ARHGEF7: variants seen among roughly 807,000 people sequenced by gnomAD.
The protein encoded by ARHGEF7 is PAK-interacting exchange factor beta.
A neutral mutation model predicts 109.8 loss-of-function variants in ARHGEF7; 33 were observed. That is an observed-to-expected ratio of 0.30 (90% CI 0.23 to 0.40). ARHGEF7 has a LOEUF of 0.40. Ranked by LOEUF, ARHGEF7 falls within the 10% of genes least tolerant of loss-of-function variation. ARHGEF7 has a pLI of 1.00. For missense variants in ARHGEF7, 938 were observed against 1,098.5 expected, an observed-to-expected ratio of 0.85 and a Z score of 2.07; for synonymous variants, 458 against 424.6, an observed-to-expected ratio of 1.08 and a Z score of -0.97.
chr13:111,166,439 G>T (rs1009412276), intron 2 of ARHGEF7, among the ~76,000 whole-genome samples: 8 of 152,186 alleles, frequency 5.3e-5, no homozygotes, highest in African/African-American at 1.4e-4. Flanking sequence ...TGTGTTTTGA[G>T]TATAGACTGA....
rs917891372 is a variant in ARHGEF7, at chr13:111,273,617, G to A, written c.1074-197G>A. Among the ~76,000 whole-genome samples the A allele has an allele frequency of 1.3e-5, 2 of 152,310 alleles. No homozygotes were observed. Among genetic ancestry groups the A allele is most frequent in the Non-Finnish European group, 1.5e-5 (1 of 68,026 alleles). On this transcript the variant is annotated intron_variant, in intron 9 of 21. Transcript: ENST00000646102. The surrounding 1 kb of genome is among the most constrained non-coding windows in gnomAD (Gnocchi z 4.5). Reference sequence around the variant, plus strand: ...TTGTTGCTCATATGAGAGCAGGAACGGGACCCCTTAGGGATGGGAGTCCCC... The same window carrying A: ...TTGTTGCTCATATGAGAGCAGGAACAGGACCCCTTAGGGATGGGAGTCCCC...
intron 11 of ARHGEF7, among the ~76,000 whole-genome samples, chr13:111,275,266 A>C (rs892583126): frequency 1.3e-5 from 2 of 152,214 alleles, no homozygotes; most frequent in African/African-American, 4.8e-5. Flanking sequence ...TCTTTTTTGT[A>C]CAAGTGGCAA....
intron 2 of ARHGEF7, among the ~76,000 whole-genome samples, chr13:111,183,048 C>T (rs1203119559): frequency 6.6e-6 from 1 of 152,210 alleles, no homozygotes; most frequent in Admixed American, 6.5e-5. Context: ...TTTTCAACTT[C>T]ACGATGTTTT....
chr13:111,243,908 T>A lies in ARHGEF7; in HGVS notation c.796T>A (p.Ser266Thr), dbSNP rs751747788. Residue 266 changes from serine (S) to threonine (T), a missense_variant, in exon 7 of 22, where the codon TCT becomes ACT. Ser to Thr is a moderately conservative substitution (Grantham distance 58, BLOSUM62 1). Around this residue, in one of 4 missense-constraint regions of ARHGEF7, gnomAD observed 585 missense variants for 723.6 expected, o/e 0.81. Transcript: ENST00000646102. Reference protein sequence around the residue: ...QNILETENEYSKELQTVLSTY... With the variant: ...QNILETENEYTKELQTVLSTY... ...TATTTTAGAAACAGAAAATGAATAT[T>A]CTAAAGAACTTCAGACTGTGCTTTC... 1 of 1,612,740 alleles carries A rather than the reference T, an allele frequency of 6.2e-7. No homozygotes were observed. Among genetic ancestry groups the A allele is most frequent in the East Asian group, 2.2e-5 (1 of 44,840 alleles).
At chr13:111,176,300 G>A (rs2078155147) in intron 2 of ARHGEF7, among the ~76,000 whole-genome samples, 1 of 152,252 alleles carries the variant, frequency 6.6e-6, no homozygotes. Flanking sequence ...GAGAATGACT[G>A]TAGGTGAGCA....
intron 2 of ARHGEF7, among the ~76,000 whole-genome samples, chr13:111,178,414 T>C (rs1191614600): frequency 1.3e-5 from 2 of 152,222 alleles, no homozygotes; most frequent in Non-Finnish European, 2.9e-5. Flanking sequence ...GTTTACCTTG[T>C]ATGTTTTCTG....
intron 1 of ARHGEF7, among the ~76,000 whole-genome samples, chr13:111,116,195 C>T (rs527457640): frequency 1.6e-4 from 24 of 152,324 alleles, no homozygotes; most frequent in African/African-American, 5.8e-4. Context: ...CTGAGGGCTG[C>T]GCTGTGAAAC....
chr13:111,187,334 T>C (rs1453553346), intron 2 of ARHGEF7, among the ~76,000 whole-genome samples: 1 of 152,048 alleles, frequency 6.6e-6, no homozygotes, highest in East Asian at 1.9e-4. Flanking sequence ...GACCTGGTGG[T>C]GTGGGCCTGG....
At chr13:111,179,959 G>T (rs748206014) in intron 2 of ARHGEF7, among the ~76,000 whole-genome samples, 11 of 152,290 alleles carry the variant, frequency 7.2e-5, no homozygotes, top group East Asian at 3.9e-4. Context: ...ACCAGATCTC[G>T]GTTATAAGGG....
At chr13:111,197,793 T>C (rs1594600958) in intron 2 of ARHGEF7, among the ~76,000 whole-genome samples, 1 of 151,814 alleles carries the variant, frequency 6.6e-6, no homozygotes, top group African/African-American at 2.4e-5. Flanking sequence ...CGGGCCCGGG[T>C]GCCTAAAGAA....
chr13:111,222,014 T>C (rs1419851032), intron 5 of ARHGEF7, among the ~76,000 whole-genome samples: 1 of 152,118 alleles, frequency 6.6e-6, no homozygotes, highest in Non-Finnish European at 1.5e-5. Context: ...TTTCACGTTT[T>C]TCTGCCTGCT....
At chr13:111,153,172 G>A (rs2075986681) in intron 1 of ARHGEF7, among the ~76,000 whole-genome samples, 1 of 152,244 alleles carries the variant, frequency 6.6e-6, no homozygotes, top group African/African-American at 2.4e-5. Context: ...CGCTCTCCAT[G>A]AGCCTAGGCT....
At chr13:111,214,307 C>A (rs370388592) in intron 4 of ARHGEF7, among the ~76,000 whole-genome samples, 3 of 152,234 alleles carry the variant, frequency 2.0e-5, no homozygotes, top group Non-Finnish European at 2.9e-5. Flanking sequence ...TGGCCTCAGC[C>A]CTGGTGCTGG....
At position 111,273,096 on chromosome 13, in the gene ARHGEF7, A is replaced by G. The variant is rs1284308164; in HGVS notation, c.1074-718A>G. On this transcript the variant is annotated intron_variant, in intron 9 of 21. Coordinates refer to ENST00000646102, the MANE Select transcript of ARHGEF7 (RefSeq NM_001354046.2). This position sits in a 1 kb window ranked among gnomAD's most constrained non-coding sequence, Gnocchi z 4.5. Reference sequence around the variant, plus strand: ...ATATGCACTGTTTCTATGTCCATACACAGGGACACCTTCCTTCCTTACGTG... The same window carrying G: ...ATATGCACTGTTTCTATGTCCATACGCAGGGACACCTTCCTTCCTTACGTG... Among the ~76,000 whole-genome samples the G allele has an allele frequency of 1.3e-5, 2 of 152,240 alleles. No homozygotes were observed. The highest frequency in any genetic ancestry group is 4.8e-5 in the African/African-American group (2 of 41,456).
intron 1 of ARHGEF7, among the ~76,000 whole-genome samples, chr13:111,123,958 T>A (rs952960402): frequency 6.6e-6 from 1 of 151,934 alleles, no homozygotes; most frequent in Non-Finnish European, 1.5e-5. Flanking sequence ...ATGTTTCTTC[T>A]CCTTCTGAAA....
Position 111,189,147 on chromosome 13 carries a change from G to A in ARHGEF7, c.253-16142G>A, listed in dbSNP as rs967531072. 2.6e-5 allele frequency among the ~76,000 whole-genome samples: 4 copies of A among 152,316 alleles called. No homozygotes were observed. The East Asian group carries it at 7.7e-4, about 29-fold the overall frequency. Reference sequence around the variant, plus strand: ...GCTGGAACACCTGAAGGCTTCCAAGGCTTCTGCTTAGAACCAGGGTGCTTT... The same window carrying A: ...GCTGGAACACCTGAAGGCTTCCAAGACTTCTGCTTAGAACCAGGGTGCTTT... On this transcript the variant is annotated intron_variant, in intron 2 of 21. Coordinates refer to ENST00000646102, the MANE Select transcript of ARHGEF7 (RefSeq NM_001354046.2).
intron 8 of ARHGEF7, among the ~76,000 whole-genome samples, chr13:111,263,819 T>A (rs1425325822): frequency 6.7e-6 from 1 of 149,132 alleles, no homozygotes; most frequent in African/African-American, 2.4e-5. Flanking sequence ...TTCTTCCTCC[T>A]CTGTAGGCTG....
chr13:111,273,846 G>A lies in ARHGEF7; in HGVS notation c.1106G>A (p.Gly369Asp). The change falls in exon 10 of 22, where the codon GGT becomes GAT. Residue 369 changes from glycine to aspartate, a missense_variant. By Grantham distance (94) the Gly-to-Asp change is moderately conservative (BLOSUM62 -1). Around this residue, in one of 4 missense-constraint regions of ARHGEF7, gnomAD observed 585 missense variants for 723.6 expected, o/e 0.81. Transcript: ENST00000646102. The surrounding 1 kb of genome is among the most constrained non-coding windows in gnomAD (Gnocchi z 4.5). ...TTGGGGGAGTTCATGGAGACCAAAG[G>A]TGCCAGCAGCCCTGGGATTCTCGTG... is the stretch of plus-strand genomic sequence containing the variant. ...EELGEFMETKGASSPGILVLT... is the reference protein window; with the variant it reads ...EELGEFMETKDASSPGILVLT... 6.2e-7 allele frequency: 1 copy of A among 1,614,174 alleles called. No homozygotes were observed. The highest frequency in any genetic ancestry group is 8.5e-7 in the Non-Finnish European group (1 of 1,180,034).
intron 8 of ARHGEF7, among the ~76,000 whole-genome samples, chr13:111,261,082 G>A (rs922754479): frequency 3.3e-5 from 5 of 152,048 alleles, no homozygotes; most frequent in African/African-American, 4.8e-5. Context: ...AGGAAGAGAA[G>A]ATTGCAAAAC....
Sources: gnomAD v4.1 joint callset for allele counts (sites outside exome capture counted in the v4.1 genomes callset) on GRCh38, gnomAD v4.1.1 for gene constraint, gnomAD v4.1.1 regional missense constraint, Gnocchi (gnomAD v3.1) non-coding constraint, MANE v1.5 for transcripts, NCBI Gene and HGNC (gene_info 2026-07-23, HGNC 2026-07-21) for gene names.